Variants in AUH observed in about 807,000 individuals in gnomAD.
AUH encodes AU RNA binding methylglutaconyl-CoA hydratase, also known as methylglutaconyl-CoA hydratase, mitochondrial.
Under a neutral mutation model 42.3 loss-of-function variants are expected in AUH, and 29 were observed. The observed-to-expected ratio is 0.69, with a 90% CI of 0.51 to 0.93. The LOEUF (loss-of-function observed/expected upper bound fraction) is 0.93, where lower values mean the gene tolerates loss of function less well. Ranked by LOEUF, AUH falls within the 40% of genes least tolerant of loss-of-function variation. The probability of loss-of-function intolerance (pLI) is 0.00; values close to 1 mark genes in which losing one functional copy is unlikely to be tolerated. For missense variants in AUH, 452 were observed against 438.1 expected (o/e 1.03, Z -0.28); for synonymous variants, 174 against 166.4 (o/e 1.05, Z -0.35).
intron 6 of AUH, among the ~76,000 whole-genome samples, chr9:91,257,099 T>C (rs180923229): frequency 2.0e-5 from 3 of 152,244 alleles, no homozygotes; most frequent in Non-Finnish European, 4.4e-5. Context: ...GGCAGAAACT[T>C]TGCCATAAGG....
intron 3 of AUH, among the ~76,000 whole-genome samples, chr9:91,349,657 GTGTA>G (rs1194804003): frequency 2.0e-5 from 3 of 148,056 alleles, no homozygotes; most frequent in African/African-American, 5.0e-5. Context: ...GTGTGGGTGT[GTGTA>G]TGTAAGGCAG....
chr9:91,222,885 G>A (rs1827212536), intron 6 of AUH, among the ~76,000 whole-genome samples: 2 of 152,170 alleles, frequency 1.3e-5, no homozygotes, highest in Non-Finnish European at 2.9e-5. Flanking sequence ...CATTGTTAAT[G>A]TCACACTTTT....
chr9:91,222,927 G>A (rs186414993), intron 6 of AUH, among the ~76,000 whole-genome samples: 1 of 152,178 alleles, frequency 6.6e-6, no homozygotes, highest in African/African-American at 2.4e-5. Context: ...TCCAAGTCCC[G>A]GAAGCTCAAA....
chr9:91,326,115 G>GA (rs1829952810), intron 3 of AUH, among the ~76,000 whole-genome samples: 1 of 152,112 alleles, frequency 6.6e-6, no homozygotes, highest in African/African-American at 2.4e-5. Context: ...TTAACAATCT[G>GA]AAAAAAGATG....
intron 6 of AUH, among the ~76,000 whole-genome samples, chr9:91,221,342 C>G (rs1476368268): frequency 6.6e-6 from 1 of 152,214 alleles, no homozygotes; most frequent in African/African-American, 2.4e-5. Flanking sequence ...AGTCCACTGA[C>G]TAGAAAGGCA....
At chr9:91,247,218 CAGAG>C (rs1344939613) in intron 6 of AUH, among the ~76,000 whole-genome samples, 4 of 152,176 alleles carry the variant, frequency 2.6e-5, no homozygotes, top group South Asian at 2.1e-4. Flanking sequence ...TACATCCGGA[CAGAG>C]AAACACTGCT....
chr9:91,252,341 G>A (rs569473114), intron 6 of AUH, among the ~76,000 whole-genome samples: 2 of 151,168 alleles, frequency 1.3e-5, no homozygotes, highest in Non-Finnish European at 2.9e-5. Context: ...AGAGCTACAC[G>A]TTAGTATGAT....
At chr9:91,336,490 C>A (rs138617604) in intron 3 of AUH, among the ~76,000 whole-genome samples, 1 of 151,756 alleles carries the variant, frequency 6.6e-6, no homozygotes, top group South Asian at 2.1e-4. Flanking sequence ...ATAAGCTGGG[C>A]GTGATGGTGC....
intron 1 of AUH, among the ~76,000 whole-genome samples, chr9:91,356,358 G>A (rs1329837361): frequency 1.3e-5 from 2 of 152,120 alleles, no homozygotes; most frequent in African/African-American, 4.8e-5. Flanking sequence ...TCAAACTAGA[G>A]GGAAGACTAG....
At chr9:91,279,685 T>A (rs1825815850) in intron 6 of AUH, among the ~76,000 whole-genome samples, 1 of 152,082 alleles carries the variant, frequency 6.6e-6, no homozygotes, top group Non-Finnish European at 1.5e-5. Context: ...TCATGGGAAA[T>A]CTGCCCCAAC....
At chr9:91,221,838 T>A (rs1827153663) in intron 6 of AUH, among the ~76,000 whole-genome samples, 1 of 152,268 alleles carries the variant, frequency 6.6e-6, no homozygotes. Context: ...ATGTATTCAC[T>A]TCAGTATCTT....
intron 3 of AUH, among the ~76,000 whole-genome samples, chr9:91,335,349 G>C (rs1184185054): frequency 1.3e-4 from 3 of 23,490 alleles, no homozygotes; most frequent in Non-Finnish European, 1.8e-4. Flanking sequence ...TGACTTTATT[G>C]CACATTCTTA....
In AUH at chr9:91,216,048, G is replaced by C. The variant is rs766121943; in HGVS notation, c.942+11C>G. The C allele has an allele frequency of 6.2e-7, 1 of 1,605,292 alleles. No individual in the cohort carries two copies. On this transcript the variant is annotated intron_variant, in intron 9 of 9. Coordinates refer to ENST00000375731, the MANE Select transcript of AUH (RefSeq NM_001698.3). ...GGTCATCCTCATTGAATTTGTGATTGCATTACATACCTGAGCATAACAAGC... is the reference window on the plus strand; with the variant it reads ...GGTCATCCTCATTGAATTTGTGATTCCATTACATACCTGAGCATAACAAGC...
chr9:91,295,645 G>A (rs1040959338), intron 6 of AUH, among the ~76,000 whole-genome samples: 7 of 152,292 alleles, frequency 4.6e-5, no homozygotes, highest in African/African-American at 1.7e-4. Context: ...AAAAGATTAT[G>A]ATTCTTTGAA....
At chr9:91,287,027 A>G (rs551882896) in intron 6 of AUH, among the ~76,000 whole-genome samples, 122 of 152,256 alleles carry the variant, frequency 8.0e-4, no homozygotes, top group African/African-American at 2.7e-3. Flanking sequence ...GTGTGTGTAG[A>G]TATATATAAA....
At chr9:91,294,828 T>C (rs1178384735) in intron 6 of AUH, 7 of 452,072 alleles carry the variant, frequency 1.5e-5, no homozygotes, top group Admixed American at 4.7e-5. Flanking sequence ...GCAAGAGAAA[T>C]AGAATTAGAA....
At chr9:91,239,740 C>T (rs543318857) in intron 6 of AUH, among the ~76,000 whole-genome samples, 2 of 150,692 alleles carry the variant, frequency 1.3e-5, no homozygotes, top group South Asian at 4.3e-4. Flanking sequence ...AATGAAAACA[C>T]ACACGCACAC....
intron 1 of AUH, chr9:91,357,342 C>T (rs1832493402): frequency 7.9e-6 from 2 of 254,728 alleles, no homozygotes; most frequent in African/African-American, 2.3e-5. Flanking sequence ...GGTGAAGTAA[C>T]TTCCTTCAGC....
intron 6 of AUH, among the ~76,000 whole-genome samples, chr9:91,241,496 G>T (rs12336196): frequency 6.6e-6 from 1 of 151,900 alleles, no homozygotes; most frequent in African/African-American, 2.4e-5. Context: ...TCCTTTTTGA[G>T]ATTTTGTGTT....
Sources: allele counts gnomAD v4.1 joint callset (sites outside exome capture counted in the v4.1 genomes callset), GRCh38; gene constraint gnomAD v4.1.1; transcripts MANE v1.5; gene names NCBI Gene and HGNC (gene_info 2026-07-23, HGNC 2026-07-21).